TRPC7: variants seen among roughly 807,000 people sequenced by gnomAD.
TRPC7 encodes transient receptor potential cation channel subfamily C member 7, also known as short transient receptor potential channel 7.
In TRPC7, 42 loss-of-function variants were observed where a neutral mutation model predicts 90.1. The observed-to-expected ratio is 0.47, with a 90% CI of 0.36 to 0.60. The LOEUF is 0.60. Ranked by LOEUF, TRPC7 falls within the 20% of genes least tolerant of loss-of-function variation. The probability of loss-of-function intolerance (pLI) is 0.00; values close to 1 mark genes in which losing one functional copy is unlikely to be tolerated. For synonymous variants in TRPC7, 451 were observed against 436.3 expected (o/e 1.03, Z -0.42); for missense variants, 955 against 1,112.3 (o/e 0.86, Z 2.01).
chr5:136,236,812 T>C (rs1462160699), intron 7 of TRPC7, among the ~76,000 whole-genome samples: 1 of 152,198 alleles, frequency 6.6e-6, no homozygotes, highest in Non-Finnish European at 1.5e-5. Flanking sequence ...CAGAATGCCA[T>C]ATCTCTCTCT....
In TRPC7 at chr5:136,247,841, T is replaced by C; in HGVS notation, c.1580-106A>G. The C allele has an allele frequency of 7.3e-7, 1 of 1,375,752 alleles. No individual in the cohort carries two copies. The highest frequency in any genetic ancestry group is 2.3e-5 in the Admixed American group (1 of 42,946). The allele number at this position is 1,375,752 out of a possible 1,614,324, so 85.2% of individuals were successfully genotyped here. On this transcript the variant is annotated intron_variant, in intron 6 of 11. Transcript: ENST00000513104. The surrounding 1 kb of genome is among the most constrained non-coding windows in gnomAD (Gnocchi z 4.2). Reference sequence around the variant, plus strand: ...CTCCAACTGCATCATTTGCCATTCTTGTCCTTGTCCTTAAATTAATCCCAA... The same window carrying C: ...CTCCAACTGCATCATTTGCCATTCTCGTCCTTGTCCTTAAATTAATCCCAA...
Position 136,226,224 on chromosome 5 carries a change from C to A in TRPC7, c.2072G>T (p.Arg691Leu), listed in dbSNP as rs1008384190. ...AAAGTAAGACAGCCAGAGTTTTGCT[C>A]GGGCGAACTTCCATTCCACATCTGC... ...EDADVEWKFA[R>L]AKLWLSYFDE... The change falls in exon 9 of 12, where the codon CGA (arginine) becomes CTA (leucine). Residue 691 changes from arginine (R) to leucine (L), a missense_variant. By Grantham distance (102) the Arg-to-Leu change is moderately radical. Transcript: ENST00000513104. 1 of 1,551,668 alleles carries A rather than the reference C, an allele frequency of 6.4e-7. No individual in the cohort carries two copies. Among genetic ancestry groups the A allele is most frequent in the Non-Finnish European group, 8.7e-7 (1 of 1,147,058 alleles).
intron 7 of TRPC7, 29 bp from the exon 8 acceptor site, chr5:136,231,578 C>T: frequency 6.5e-7 from 1 of 1,543,638 alleles, no homozygotes; most frequent in South Asian, 1.2e-5. Flanking sequence ...TCCTTTTACG[C>T]AGTTTGCATC....
chr5:136,296,997 A>G (rs1758199512), intron 3 of TRPC7, among the ~76,000 whole-genome samples: 1 of 152,062 alleles, frequency 6.6e-6, no homozygotes, highest in Non-Finnish European at 1.5e-5. Context: ...CTTCCCATAA[A>G]TCCAATCCCA....
chr5:136,239,790 C>T (rs1221433867), intron 7 of TRPC7, among the ~76,000 whole-genome samples: 5 of 152,242 alleles, frequency 3.3e-5, no homozygotes, highest in Non-Finnish European at 7.3e-5. Flanking sequence ...CTTTCACATT[C>T]CTGTCTTTCA....
chr5:136,302,436 C>T (rs1405027728), intron 3 of TRPC7, among the ~76,000 whole-genome samples: 1 of 152,144 alleles, frequency 6.6e-6, no homozygotes. Context: ...GACAAGAACC[C>T]CCAATCCCTT....
At chr5:136,263,650 A>G (rs780413709) in intron 5 of TRPC7, among the ~76,000 whole-genome samples, 17 of 152,228 alleles carry the variant, frequency 1.1e-4, no homozygotes, top group Non-Finnish European at 2.2e-4. Flanking sequence ...ATTGAATAAT[A>G]TAATATCTGA....
At chr5:136,291,043 A>G (rs918381055) in intron 3 of TRPC7, among the ~76,000 whole-genome samples, 2 of 152,182 alleles carry the variant, frequency 1.3e-5, no homozygotes, top group Non-Finnish European at 2.9e-5. Flanking sequence ...GCCAAACTAA[A>G]CTTCATAAGT....
intron 10 of TRPC7, chr5:136,222,147 G>C (rs1200129819): frequency 6.7e-6 from 1 of 148,822 alleles, no homozygotes; most frequent in Non-Finnish European, 1.5e-5. Flanking sequence ...AGACACCCTG[G>C]AGCCTAAGGA....
At chr5:136,227,777 G>A (rs1050453322) in intron 8 of TRPC7, among the ~76,000 whole-genome samples, 4 of 152,216 alleles carry the variant, frequency 2.6e-5, no homozygotes, top group African/African-American at 9.6e-5. Flanking sequence ...ACCATGGCAG[G>A]TGATGGACCA....
Position 136,324,980 on chromosome 5 carries a change from C to G in TRPC7, c.781-9201G>C, listed in dbSNP as rs1463717858. On this transcript the variant is annotated intron_variant, in intron 2 of 11. Coordinates refer to ENST00000513104, the MANE Select transcript of TRPC7 (RefSeq NM_020389.3). ...GGGGAAAGAATGTTTATGGAAAGCT[C>G]CAATTGAAATACTAGTGGAGCTAAG... Among the ~76,000 whole-genome samples the G allele has an allele frequency of 2.6e-5, 4 of 152,174 alleles. No individual in the cohort carries two copies. In the East Asian group the frequency reaches 7.7e-4, roughly 29 times the overall value.
Position 136,213,268 on chromosome 5 carries a change from G to C in TRPC7, c.*167C>G. 4 of 704,846 alleles carry C rather than the reference G, an allele frequency of 5.7e-6. No homozygotes were observed. The highest frequency in any genetic ancestry group is 9.4e-6 in the Non-Finnish European group (4 of 425,842). The allele number at this position is 704,846 out of a possible 1,614,324, so 43.7% of individuals were successfully genotyped here. A position where few individuals can be genotyped will look rare whatever the true frequency, so the allele number is the denominator to read the frequency against. On this transcript the variant is annotated 3_prime_UTR_variant, in exon 12 of 12. Coordinates refer to ENST00000513104, the MANE Select transcript of TRPC7 (RefSeq NM_020389.3). Reference sequence around the variant, plus strand: ...TTCACAGCAGTTCTGGGTCTAGGCAGGCCAGCGGGCTGGAGATGTCAGTCA... The same window carrying C: ...TTCACAGCAGTTCTGGGTCTAGGCACGCCAGCGGGCTGGAGATGTCAGTCA...
chr5:136,254,392 A>G (rs1315362159), intron 5 of TRPC7, among the ~76,000 whole-genome samples: 1 of 152,138 alleles, frequency 6.6e-6, no homozygotes, highest in Non-Finnish European at 1.5e-5. Context: ...GGTGACTTTA[A>G]GTTGAAGCCA....
rs541589358 is a variant in TRPC7, at chr5:136,324,614, C to A, written c.781-8835G>T. Among the ~76,000 whole-genome samples, 2 of 152,262 alleles carry A rather than the reference C, an allele frequency of 1.3e-5. 1 individual carries two copies. The highest frequency in any genetic ancestry group is 4.1e-4 in the South Asian group (2 of 4,820). On this transcript the variant is annotated intron_variant, in intron 2 of 11. Transcript: ENST00000513104. ...CCCTAATATGGAGGATGACTCCAAA[C>A]CATCTATCAAGACATGTTGATACCT...
At chr5:136,290,283 C>G (rs184196015) in intron 3 of TRPC7, among the ~76,000 whole-genome samples, 2 of 152,308 alleles carry the variant, frequency 1.3e-5, no homozygotes, top group Non-Finnish European at 2.9e-5. Context: ...CAGAACAAAG[C>G]TGGATGGAGA....
Position 136,266,389 on chromosome 5 carries a change from T to G in TRPC7, c.1176A>C (p.Ala392=), listed in dbSNP as rs1401901381. Residue 392 remains alanine (A), a synonymous_variant, in exon 5 of 12, where the codon GCA becomes GCC. Transcript: ENST00000513104. ...RSPFMKFVAH[A]VSFTIFLGLL... ...ATCCCAAGAAGATTGTAAAAGAAAC[T>G]GCATGAGCTACAAACTTCATGAAAG... The G allele has an allele frequency of 6.2e-7, 1 of 1,613,842 alleles. No individual in the cohort carries two copies. Among genetic ancestry groups the G allele is most frequent in the Non-Finnish European group, 8.5e-7 (1 of 1,179,792 alleles).
intron 3 of TRPC7, among the ~76,000 whole-genome samples, chr5:136,287,909 C>T (rs1208559428): frequency 6.6e-6 from 1 of 151,930 alleles, no homozygotes; most frequent in East Asian, 1.9e-4. Context: ...AAAAAGGTGC[C>T]CCCAGAATAA....
At chr5:136,286,903 G>A (rs1757736937) in intron 3 of TRPC7, among the ~76,000 whole-genome samples, 1 of 152,188 alleles carries the variant, frequency 6.6e-6, no homozygotes, top group African/African-American at 2.4e-5. Flanking sequence ...ACACCTACCT[G>A]TGTTGTTAGC....
intron 1 of TRPC7, among the ~76,000 whole-genome samples, chr5:136,362,196 T>C (rs1209857672): frequency 6.6e-6 from 1 of 152,200 alleles, no homozygotes; most frequent in Non-Finnish European, 1.5e-5. Context: ...TTTAAATAAA[T>C]TATCTTCTGA....
Sources: gnomAD v4.1 joint callset for allele counts (sites outside exome capture counted in the v4.1 genomes callset) on GRCh38, gnomAD v4.1.1 for gene constraint, Gnocchi (gnomAD v3.1) non-coding constraint, MANE v1.5 for transcripts, NCBI Gene and HGNC (gene_info 2026-07-23, HGNC 2026-07-21) for gene names.